The following BRSK2 variants were observed in gnomAD, a reference collection of about 807,000 sequenced individuals.
The protein encoded by BRSK2 is serine/threonine-protein kinase BRSK2.
BRSK2 carries 19 observed loss-of-function variants against 83.3 expected under a neutral mutation model. The ratio of observed to expected loss-of-function variants is 0.23; its 90% CI spans 0.16 to 0.33. The LOEUF (loss-of-function observed/expected upper bound fraction) is 0.33. Ranked by LOEUF, BRSK2 falls within the 10% of genes least tolerant of loss-of-function variation. The pLI, the probability that BRSK2 is intolerant of heterozygous loss-of-function variation, is 1.00. For missense variants in BRSK2, 798 were observed against 1,042.3 expected (o/e 0.77, Z 3.23); for synonymous variants, 519 against 435.4 (o/e 1.19, Z -2.39).
At chr11:1,414,070 A>G (rs908302576) in intron 1 of BRSK2, among the ~76,000 whole-genome samples, 1 of 152,270 alleles carries the variant, frequency 6.6e-6, no homozygotes, top group African/African-American at 2.4e-5. Flanking sequence ...TTTAAAAACA[A>G]TTGTTCATTA....
rs776513211 is a variant in BRSK2 at position 1,445,616 on chromosome 11, A to G, written c.1023A>G (p.Lys341=). 3 of 1,576,784 alleles carry G rather than the reference A, an allele frequency of 1.9e-6. No individual in the cohort carries two copies. Among genetic ancestry groups the G allele is most frequent in the Non-Finnish European group, 2.6e-6 (3 of 1,161,678 alleles). Residue 341 remains lysine (K), a synonymous_variant, in exon 11 of 20, where the codon AAA becomes AAG. Transcript: ENST00000528841. ...TTTACTTCCTCCTCCTGGACCGGAA[A>G]GAAAGGTACCCGAGCCAGGAGGATG... The part of the protein sequence containing the change: ...KMIYFLLLDR[K]ERYPSQEDED...
chr11:1,408,832 T>G lies in BRSK2; in HGVS notation c.91+18457T>G, dbSNP rs1321433228. On this transcript the variant is annotated intron_variant, in intron 1 of 19. Transcript: ENST00000528841. Reference sequence around the variant, plus strand: ...GTGCTGGTGTGTGTGTGTGTGTGTGTGTGGCTGTGCTGGGGTGTGTGTGCA... The same window carrying G: ...GTGCTGGTGTGTGTGTGTGTGTGTGGGTGGCTGTGCTGGGGTGTGTGTGCA... Among the ~76,000 whole-genome samples the G allele has an allele frequency of 8.9e-4, 135 of 151,268 alleles. 1 individual carries two copies. Among genetic ancestry groups the G allele is most frequent in the African/African-American group, 3.1e-3 (129 of 41,016 alleles).
At chr11:1,401,644 G>A (rs886641109) in intron 1 of BRSK2, among the ~76,000 whole-genome samples, 1 of 152,374 alleles carries the variant, frequency 6.6e-6, no homozygotes, top group Admixed American at 6.5e-5. Flanking sequence ...GGCAGCAGCC[G>A]TGGGTGGTAT....
intron 15 of BRSK2, among the ~76,000 whole-genome samples, chr11:1,452,469 A>G (rs192004040): frequency 5.9e-5 from 9 of 152,334 alleles, no homozygotes; most frequent in African/African-American, 9.6e-5. Context: ...TATCTTCCTC[A>G]GAGAAGGTGG....
chr11:1,445,566 T>C lies in BRSK2; in HGVS notation c.978-5T>C, dbSNP rs1851926550. 1 of 1,582,340 alleles carries C rather than the reference T, an allele frequency of 6.3e-7. No homozygotes were observed. The highest frequency in any genetic ancestry group is 8.6e-7 in the Non-Finnish European group (1 of 1,164,606). ...AGCGCGTCTCGCGCCTCTCGCCCGC[T>C]GTAGGGAGAACCAGGAGAAGATGAT... On this transcript the variant is annotated splice_region_variant and splice_polypyrimidine_tract_variant and intron_variant, in intron 10 of 19. Coordinates refer to ENST00000528841, the MANE Select transcript of BRSK2 (RefSeq NM_001256627.2).
intron 1 of BRSK2, among the ~76,000 whole-genome samples, chr11:1,397,502 C>T (rs910981313): frequency 1.3e-5 from 2 of 152,262 alleles, no homozygotes; most frequent in Admixed American, 1.3e-4. Context: ...CTCCAGCTTC[C>T]CAGGCTCGTT....
chr11:1,460,794 G>A lies in BRSK2; in HGVS notation c.*71G>A, dbSNP rs1363109569. The A allele has an allele frequency of 9.2e-6, 13 of 1,408,906 alleles. No homozygotes were observed. Among genetic ancestry groups the A allele is most frequent in the African/African-American group, 1.6e-5 (1 of 63,182 alleles). The allele number at this position is 1,408,906 out of a possible 1,614,324, so 87.3% of individuals were successfully genotyped here. ...CGCCGCCCGCCGCCCGCCCTGCCCC[G>A]AGTGGACCCGCGGCCGCGCCGCCCG... On this transcript the variant is annotated 3_prime_UTR_variant, in exon 20 of 20. Coordinates refer to ENST00000528841, the MANE Select transcript of BRSK2 (RefSeq NM_001256627.2).
intron 15 of BRSK2, 69 bp downstream of exon 15, chr11:1,451,488 C>A: frequency 6.5e-7 from 1 of 1,529,436 alleles, no homozygotes; most frequent in Non-Finnish European, 9.1e-7. Context: ...GCATGGAACC[C>A]TTCCCCTATG....
chr11:1,402,493 G>A (rs553435403), intron 1 of BRSK2, among the ~76,000 whole-genome samples: 2 of 152,306 alleles, frequency 1.3e-5, no homozygotes, highest in Admixed American at 1.3e-4. Context: ...GCATTGCAAA[G>A]GGTGGGTGGT....
At chr11:1,437,004 G>T (rs1167856155) in intron 2 of BRSK2, among the ~76,000 whole-genome samples, 1 of 151,728 alleles carries the variant, frequency 6.6e-6, no homozygotes, top group East Asian at 2.0e-4. Flanking sequence ...GGGGAGGTGG[G>T]GGTGGGGTTA....
At chr11:1,404,721 C>G (rs550208664) in intron 1 of BRSK2, among the ~76,000 whole-genome samples, 1 of 152,332 alleles carries the variant, frequency 6.6e-6, no homozygotes, top group South Asian at 2.1e-4. Context: ...CTTGCAGCCC[C>G]TGCCTCTCCC....
intron 19 of BRSK2, 140 bp downstream of exon 19, chr11:1,459,379 C>T (rs552237697): frequency 9.8e-5 from 90 of 913,918 alleles, no homozygotes; most frequent in Middle Eastern, 2.4e-4. Flanking sequence ...CAGATGTCCC[C>T]GGCCCCATCC....
chr11:1,424,165 A>T (rs899851273), intron 1 of BRSK2, among the ~76,000 whole-genome samples: 9 of 152,014 alleles, frequency 5.9e-5, no homozygotes, highest in African/African-American at 2.2e-4. Flanking sequence ...GCCATGGTGG[A>T]CCCCTCGGCA....
At chr11:1,443,683 C>G in intron 8 of BRSK2, 48 bp downstream of exon 8, 1 of 1,488,564 alleles carries the variant, frequency 6.7e-7, no homozygotes, top group Non-Finnish European at 8.9e-7. Context: ...CGGGGGGGCG[C>G]GGGGGCGGGC....
chr11:1,420,524 G>A (rs981515383), intron 1 of BRSK2, among the ~76,000 whole-genome samples: 1 of 152,198 alleles, frequency 6.6e-6, no homozygotes, highest in Non-Finnish European at 1.5e-5. Context: ...TCACGGCCAG[G>A]CTCCCTTTTG....
chr11:1,434,434 C>A (rs905976751), intron 1 of BRSK2, among the ~76,000 whole-genome samples: 1 of 141,286 alleles, frequency 7.1e-6, no homozygotes, highest in African/African-American at 2.7e-5. Flanking sequence ...GGAGTGGGGT[C>A]CCCTGTGATA....
chr11:1,460,460 CCTT>C (rs150300634), intron 19 of BRSK2, 37 bp from the exon 20 acceptor site: 335,559 of 1,108,068 alleles, frequency 0.3, 20,266 homozygotes, highest in African/African-American at 0.43. Context: ...TTTCTTTTTT[CCTT>C]TTTTTTTTTT....
At position 1,445,157 on chromosome 11, in the gene BRSK2, A is replaced by G. The variant is rs1475939011; in HGVS notation, c.813-137A>G. On this transcript the variant is annotated intron_variant, in intron 9 of 19. Transcript: ENST00000528841. The stretch of plus-strand genomic sequence containing the variant: ...GCGCTGGGTGCGGGGTGCGGGCAGG[A>G]CGCAGGAGGCCTCCCCGGGCTGGGC... 9 of 1,461,266 alleles carry G rather than the reference A, an allele frequency of 6.2e-6. No homozygotes were observed. In the East Asian group the frequency reaches 2.0e-4, roughly 33 times the overall value. The allele number at this position is 1,461,266 out of a possible 1,614,324, so 90.5% of individuals were successfully genotyped here. A position where few individuals can be genotyped will look rare whatever the true frequency, so the allele number is the denominator to read the frequency against.
intron 19 of BRSK2, 127 bp from the exon 20 acceptor site, chr11:1,460,373 C>T (rs1269369797): frequency 7.4e-6 from 8 of 1,085,796 alleles, no homozygotes; most frequent in South Asian, 5.5e-5. Flanking sequence ...TTTCCCTCGT[C>T]GAGGCCTCTT....
Sources: gnomAD v4.1 joint callset for allele counts (sites outside exome capture counted in the v4.1 genomes callset) on GRCh38, gnomAD v4.1.1 for gene constraint, MANE v1.5 for transcripts, NCBI Gene and HGNC (gene_info 2026-07-23, HGNC 2026-07-21) for gene names.